USP36: variants seen among roughly 807,000 people sequenced by gnomAD.
USP36 encodes the protein ubiquitin carboxyl-terminal hydrolase 36.
USP36 carries 59 observed loss-of-function variants against 111.5 expected under a neutral mutation model. The ratio of observed to expected loss-of-function variants is 0.53; its 90% CI spans 0.43 to 0.66. USP36 has a LOEUF of 0.66. Ranked by LOEUF, USP36 falls within the 30% of genes least tolerant of loss-of-function variation. The probability of loss-of-function intolerance (pLI) is 0.00; values close to 1 mark genes in which losing one functional copy is unlikely to be tolerated. For synonymous variants in USP36, 628 were observed against 581.0 expected (o/e 1.08, Z -1.16); for missense variants, 1,488 against 1,468.0 (o/e 1.01, Z -0.22).
At chr17:78,799,238 CTAAACCACAGCCAAAGAGTTCAG>C (rs2093683402) in intron 18 of USP36, among the ~76,000 whole-genome samples, 1 of 152,206 alleles carries the variant, frequency 6.6e-6, no homozygotes, top group South Asian at 2.1e-4. Context: ...TAGCTAAACC[CTAAACCACAGCCAAAGAGTTCAG>C]TTCTTTCTAA....
chr17:78,818,332 T>A (rs1318323883), intron 10 of USP36, among the ~76,000 whole-genome samples: 1 of 152,142 alleles, frequency 6.6e-6, no homozygotes, highest in Non-Finnish European at 1.5e-5. Flanking sequence ...GCCCTGGAAC[T>A]TGACTGTGTA....
At position 78,812,840 on chromosome 17, in the gene USP36, T is replaced by A. The variant is rs753146805; in HGVS notation, c.1407+20A>T. 6.2e-7 allele frequency: 1 copy of A among 1,611,330 alleles called. No individual in the cohort carries two copies. Among genetic ancestry groups the A allele is most frequent in the South Asian group, 1.1e-5 (1 of 90,986 alleles). On this transcript the variant is annotated intron_variant, in intron 13 of 20. Coordinates refer to ENST00000449938, the MANE Select transcript of USP36 (RefSeq NM_001385174.1). The stretch of plus-strand genomic sequence containing the variant: ...AGCACCAAGACCAGCCACTTTGGCC[T>A]CCATCATTCTCACAAATACCTTTCC...
intron 3 of USP36, 130 bp from the exon 4 acceptor site, chr17:78,835,631 G>T: frequency 1.1e-6 from 1 of 933,510 alleles, no homozygotes; most frequent in Non-Finnish European, 1.6e-6. Context: ...GAGAAGAACT[G>T]GTGTTCTGGT....
At chr17:78,836,395 A>G (rs1354900019) in intron 2 of USP36, 23 bp from the exon 3 acceptor site, 1 of 1,607,746 alleles carries the variant, frequency 6.2e-7, no homozygotes, top group Non-Finnish European at 8.5e-7. Context: ...GAAGAAACAT[A>G]GAGCCATAGA....
chr17:78,793,371 CA>C (rs937407699), downstream of USP36, among the ~76,000 whole-genome samples: 4 of 152,100 alleles, frequency 2.6e-5, no homozygotes, highest in Non-Finnish European at 5.9e-5. Flanking sequence ...GCAGAAATCC[CA>C]AAAGGCAGGC....
At chr17:78,787,756 G>T (rs1011792596) in intron 3 of USP36, 35 of 152,248 alleles carry the variant, frequency 2.3e-4, no homozygotes, top group African/African-American at 8.0e-4. Context: ...ATATGTTGAA[G>T]TCCTAAGCCC....
At position 78,799,713 on chromosome 17, in the gene USP36, GACC is replaced by G. The variant is rs1400175847; in HGVS notation, c.3075_3077del (p.Val1026del). 1 of 1,612,844 alleles carries G rather than the reference GACC, an allele frequency of 6.2e-7. No individual in the cohort carries two copies. Among genetic ancestry groups the G allele is most frequent in the African/African-American group, 1.3e-5 (1 of 74,796 alleles). On this transcript the variant is annotated inframe_deletion, in exon 18 of 21. Coordinates refer to ENST00000449938, the MANE Select transcript of USP36 (RefSeq NM_001385174.1). Reference sequence around the variant, plus strand: ...CAGATGAGTATTTGAGCAGTTCCTGGACCACATCAGACTCCCGCTCTCCATTCC... The same window carrying G: ...CAGATGAGTATTTGAGCAGTTCCTGGACATCAGACTCCCGCTCTCCATTCC...
intron 17 of USP36, among the ~76,000 whole-genome samples, chr17:78,800,584 C>T (rs769899526): frequency 2.6e-5 from 4 of 152,236 alleles, no homozygotes; most frequent in Non-Finnish European, 5.9e-5. Context: ...CCTGCCCCCA[C>T]ACAGTGGCTT....
chr17:78,791,613 T>C (rs2093585045), downstream of USP36, among the ~76,000 whole-genome samples: 1 of 152,172 alleles, frequency 6.6e-6, no homozygotes, highest in Non-Finnish European at 1.5e-5. Flanking sequence ...ATTTCCTCAA[T>C]GCCTGGAGTG....
Position 78,827,296 on chromosome 17 carries a change from A to G in USP36, c.638T>C (p.Leu213Pro), listed in dbSNP as rs2067649115. Residue 213 changes from leucine (L) to proline (P), a missense_variant, in exon 6 of 21, where the codon CTG (leucine) becomes CCG (proline). Transcript: ENST00000449938. Reference sequence around the variant, plus strand: ...CTGCATGGCGTCGATGGTGTACCGCAGGAACTCATGCGCGTCCTCCTGGTT... The same window carrying G: ...CTGCATGGCGTCGATGGTGTACCGCGGGAACTCATGCGCGTCCTCCTGGTT... Reference protein sequence around the residue: ...FGNQEDAHEFLRYTIDAMQKA... With the variant: ...FGNQEDAHEFPRYTIDAMQKA... The G allele has an allele frequency of 6.2e-7, 1 of 1,613,940 alleles. No homozygotes were observed. Among genetic ancestry groups the G allele is most frequent in the Admixed American group, 1.7e-5 (1 of 60,008 alleles).
chr17:78,799,069 C>A (rs2093680015), intron 18 of USP36, 46 bp from the exon 19 acceptor site: 1 of 1,581,448 alleles, frequency 6.3e-7, no homozygotes, highest in Non-Finnish European at 8.7e-7. Flanking sequence ...GTTCCCAGGT[C>A]CCCTGTGGCT....
chr17:78,804,622 A>AT (rs1163066550), intron 15 of USP36, among the ~76,000 whole-genome samples: 5 of 125,114 alleles, frequency 4.0e-5, no homozygotes, highest in African/African-American at 1.6e-4. Context: ...GATCCCTGAG[A>AT]TTTAAAAAAA....
In USP36 at chr17:78,835,382, G is replaced by A; in HGVS notation, c.373C>T (p.His125Tyr). The A allele has an allele frequency of 6.2e-7, 1 of 1,614,244 alleles. No homozygotes were observed. The change falls in exon 4 of 21, where the codon CAC (histidine) becomes TAC (tyrosine). Residue 125 changes from histidine to tyrosine, a missense_variant. This residue lies in a region of USP36 where 219 missense variants were observed against 209.5 expected (regional missense o/e 1.05). Coordinates refer to ENST00000449938, the MANE Select transcript of USP36 (RefSeq NM_001385174.1). ...ERVFRVGAGL[H>Y]NLGNTCFLNA... Reference sequence around the variant, plus strand: ...AGAAAGCAGGTGTTGCCAAGGTTGTGGAGTCCTGCGCCCACGCGGAAGACC... The same window carrying A: ...AGAAAGCAGGTGTTGCCAAGGTTGTAGAGTCCTGCGCCCACGCGGAAGACC...
intron 3 of USP36, chr17:78,787,706 T>C (rs533232146): frequency 6.6e-6 from 1 of 152,344 alleles, no homozygotes; most frequent in South Asian, 2.1e-4. Context: ...GAAGAGAACC[T>C]TTCCATACTG....
intron 13 of USP36, 49 bp from the exon 14 acceptor site, chr17:78,807,685 G>C: frequency 2.7e-6 from 4 of 1,494,516 alleles, no homozygotes; most frequent in Non-Finnish European, 1.8e-6. Context: ...AGAAGTCTCA[G>C]CTGGGCCACA....
rs765076639 is a variant in USP36, at chr17:78,806,254, G to A, written c.2118C>T (p.Asp706=). 1.4e-5 allele frequency: 22 copies of A among 1,613,864 alleles called. No individual in the cohort carries two copies. Among genetic ancestry groups the A allele is most frequent in the Non-Finnish European group, 1.8e-5 (21 of 1,180,016 alleles). Residue 706 remains aspartate, a synonymous_variant, in exon 15 of 21, where the codon GAC becomes GAT. Transcript: ENST00000449938. ...ATGGTGAGGGGGGAGGTGGACGGAG[G>A]TCATTGCCGGTCGCCCTCCACAGGG... ...ASTLWRATGN[D]LRPPPPSPSS... is the part of the protein sequence containing the mutation.
At position 78,799,787 on chromosome 17, in the gene USP36, A is replaced by G. The variant is rs775370330; in HGVS notation, c.3023-19T>C. On this transcript the variant is annotated intron_variant, in intron 17 of 20. Transcript: ENST00000449938. Reference sequence around the variant, plus strand: ...CTCAGCCCTGCAATCGGAGCAGCCAAGAAACATTTACAGACGTTTAAAATA... The same window carrying G: ...CTCAGCCCTGCAATCGGAGCAGCCAGGAAACATTTACAGACGTTTAAAATA... 1 of 1,582,700 alleles carries G rather than the reference A, an allele frequency of 6.3e-7. No individual in the cohort carries two copies. The highest frequency in any genetic ancestry group is 8.6e-7 in the Non-Finnish European group (1 of 1,167,570).
intron 9 of USP36, 197 bp from the exon 10 acceptor site, chr17:78,818,975 G>A (rs1375499414): frequency 4.2e-5 from 22 of 528,466 alleles, no homozygotes; most frequent in Non-Finnish European, 7.4e-5. Flanking sequence ...AGGGAAATAA[G>A]ACTACAGAAA....
At chr17:78,811,172 G>A (rs919485248) in intron 13 of USP36, among the ~76,000 whole-genome samples, 5 of 146,624 alleles carry the variant, frequency 3.4e-5, no homozygotes, top group Non-Finnish European at 7.5e-5. Flanking sequence ...GTCATCAAGA[G>A]GGTCCACCCC....
Sources: allele counts gnomAD v4.1 joint callset (sites outside exome capture counted in the v4.1 genomes callset), GRCh38; gene constraint gnomAD v4.1.1; regional missense constraint gnomAD v4.1.1; transcripts MANE v1.5; gene names NCBI Gene and HGNC (gene_info 2026-07-23, HGNC 2026-07-21).